Variants in PLCG1 observed in about 807,000 individuals in gnomAD.
PLCG1 encodes 1-phosphatidylinositol 4,5-bisphosphate phosphodiesterase gamma-1.
Under a neutral mutation model 177.8 loss-of-function variants are expected in PLCG1, and 71 were observed. That is an observed-to-expected ratio of 0.40 (90% CI 0.33 to 0.49). The LOEUF (loss-of-function observed/expected upper bound fraction) is 0.49, where lower values mean the gene tolerates loss of function less well. PLCG1 is among the 20% of genes least tolerant of loss of function. The probability of loss-of-function intolerance (pLI) is 0.72; values close to 1 mark genes in which losing one functional copy is unlikely to be tolerated. For missense variants in PLCG1, 1,281 were observed against 1,709.0 expected, an observed-to-expected ratio of 0.75 and a Z score of 4.42; for synonymous variants, 658 against 647.9, an observed-to-expected ratio of 1.02 and a Z score of -0.24.
At position 41,166,697 on chromosome 20, in the gene PLCG1, G is replaced by A; in HGVS notation, c.2139G>A (p.Lys713=). The change falls in exon 19 of 32, where the codon AAG becomes AAA. Residue 713 remains lysine (K), a synonymous_variant. Transcript: ENST00000685551. This position sits in a 1 kb window ranked among gnomAD's most constrained non-coding sequence, Gnocchi z 8.6. ...AISFRAEGKI[K]HCRVQQEGQT... ...TGTGAAGGGCTGAGGGCAAGATCAA[G>A]CATTGCCGTGTCCAGCAAGAGGGCC... 5 of 1,614,168 alleles carry A rather than the reference G, an allele frequency of 3.1e-6. No individual in the cohort carries two copies. Among genetic ancestry groups the A allele is most frequent in the Non-Finnish European group, 4.2e-6 (5 of 1,180,006 alleles).
chr20:41,154,520 T>TA (rs2035260280), intron 1 of PLCG1, among the ~76,000 whole-genome samples: 1 of 152,164 alleles, frequency 6.6e-6, no homozygotes, highest in African/African-American at 2.4e-5. Flanking sequence ...ATACTGCCCT[T>TA]ATGCACATCC....
In PLCG1 at chr20:41,172,130, G is replaced by A; in HGVS notation, c.2809-63G>A. The A allele has an allele frequency of 7.5e-7, 1 of 1,336,526 alleles. No individual in the cohort carries two copies. The highest frequency in any genetic ancestry group is 1.1e-6 in the Non-Finnish European group (1 of 926,794). The allele number at this position is 1,336,526 out of a possible 1,614,324, so 82.8% of individuals were successfully genotyped here. The stretch of plus-strand genomic sequence containing the variant: ...AGTGTGGGCATGCCCAAGGTTGGCA[G>A]GGGCTTCCTTCTCCTGGGCAGGGCT... On this transcript the variant is annotated intron_variant, in intron 24 of 31. Coordinates refer to ENST00000685551, the MANE Select transcript of PLCG1 (RefSeq NM_002660.3). This position sits in a 1 kb window ranked among gnomAD's most constrained non-coding sequence, Gnocchi z 7.0.
In PLCG1 at chr20:41,164,813, G is replaced by C; in HGVS notation, c.1218-120G>C. On this transcript the variant is annotated intron_variant, in intron 12 of 31. Transcript: ENST00000685551. The surrounding 1 kb of genome is among the most constrained non-coding windows in gnomAD (Gnocchi z 6.4). The stretch of plus-strand genomic sequence containing the variant: ...TGGCTATGGCCTGCCTCTTTTCTGG[G>C]ATAGTTTTTACAGACAAGAAGCCCC... The C allele has an allele frequency of 1.0e-6, 1 of 968,530 alleles. No homozygotes were observed. The highest frequency in any genetic ancestry group is 2.6e-5 in the Admixed American group (1 of 39,168). 60.0% of individuals were successfully genotyped at this position (968,530 alleles called of 1,614,324 possible). A position where few individuals can be genotyped will look rare whatever the true frequency, so the allele number is the denominator to read the frequency against.
Position 41,173,415 on chromosome 20 carries a change from T to G in PLCG1, c.3280-5T>G. 1 of 1,589,068 alleles carries G rather than the reference T, an allele frequency of 6.3e-7. No individual in the cohort carries two copies. ...AATCCCAGGCCCTTCTTTGTCTGCC[T>G]ACAGGTGCTGGGGGCCCGACATCTG... On this transcript the variant is annotated splice_polypyrimidine_tract_variant and splice_region_variant and intron_variant, in intron 27 of 31. Transcript: ENST00000685551. This position sits in a 1 kb window ranked among gnomAD's most constrained non-coding sequence, Gnocchi z 6.2.
chr20:41,164,809 C>G lies in PLCG1; in HGVS notation c.1218-124C>G. The G allele has an allele frequency of 1.1e-6, 1 of 941,958 alleles. No homozygotes were observed. Among genetic ancestry groups the G allele is most frequent in the Non-Finnish European group, 1.6e-6 (1 of 630,934 alleles). 58.3% of individuals were successfully genotyped at this position (941,958 alleles called of 1,614,324 possible). A position where few individuals can be genotyped will look rare whatever the true frequency, so the allele number is the denominator to read the frequency against. ...CCAGTGGCTATGGCCTGCCTCTTTTCTGGGATAGTTTTTACAGACAAGAAG... is the reference window on the plus strand; with the variant it reads ...CCAGTGGCTATGGCCTGCCTCTTTTGTGGGATAGTTTTTACAGACAAGAAG... On this transcript the variant is annotated intron_variant, in intron 12 of 31. Coordinates refer to ENST00000685551, the MANE Select transcript of PLCG1 (RefSeq NM_002660.3). The surrounding 1 kb of genome is among the most constrained non-coding windows in gnomAD (Gnocchi z 6.4).
chr20:41,151,445 A>G lies in PLCG1; in HGVS notation c.218-8161A>G, dbSNP rs769437720. Among the ~76,000 whole-genome samples, 2 of 152,234 alleles carry G rather than the reference A, an allele frequency of 1.3e-5. No homozygotes were observed. Among genetic ancestry groups the G allele is most frequent in the African/African-American group, 2.4e-5 (1 of 41,456 alleles). ...GCTGCTGCACAGTAATGGGAAGGAC[A>G]GTAAGCCCCACCATCGCCTTCCCTT... On this transcript the variant is annotated intron_variant, in intron 1 of 31. Transcript: ENST00000685551. The surrounding 1 kb of genome is among the most constrained non-coding windows in gnomAD (Gnocchi z 5.5).
intron 1 of PLCG1, among the ~76,000 whole-genome samples, chr20:41,140,443 C>T (rs2034784227): frequency 1.3e-5 from 2 of 152,198 alleles, no homozygotes; most frequent in African/African-American, 2.4e-5. Flanking sequence ...CTGGCCTTTC[C>T]TGCTGACCCT....
chr20:41,168,155 ACTG>A (rs2035765706), intron 20 of PLCG1, among the ~76,000 whole-genome samples: 1 of 152,054 alleles, frequency 6.6e-6, no homozygotes, highest in African/African-American at 2.4e-5. Context: ...GACCCTTTAA[ACTG>A]CTCCTGTGGG....
chr20:41,140,688 T>C (rs2034795093), intron 1 of PLCG1, among the ~76,000 whole-genome samples: 1 of 152,176 alleles, frequency 6.6e-6, no homozygotes, highest in South Asian at 2.1e-4. Context: ...GGGGAAGTGC[T>C]TAGGTGTTGA....
intron 1 of PLCG1, among the ~76,000 whole-genome samples, chr20:41,149,677 C>T (rs2035105421): frequency 6.6e-6 from 1 of 152,166 alleles, no homozygotes; most frequent in South Asian, 2.1e-4. Flanking sequence ...AGGGTGTGGG[C>T]ATGGCTGACA....
At position 41,142,489 on chromosome 20, in the gene PLCG1, C is replaced by T. The variant is rs554771327; in HGVS notation, c.217+4631C>T. On this transcript the variant is annotated intron_variant, in intron 1 of 31. Coordinates refer to ENST00000685551, the MANE Select transcript of PLCG1 (RefSeq NM_002660.3). ...GGGGAGGGAGGCCAGTGAGCTCCTA[C>T]GGTTTGCACAGTTTGCAGGAGAGAG... Among the ~76,000 whole-genome samples the T allele has an allele frequency of 2.6e-5, 4 of 152,284 alleles. No homozygotes were observed. In the East Asian group the frequency reaches 7.7e-4, roughly 29 times the overall value.
chr20:41,168,694 T>C (rs1419598038), intron 20 of PLCG1, 73 bp from the exon 21 acceptor site: 2 of 873,426 alleles, frequency 2.3e-6, no homozygotes, highest in Non-Finnish European at 3.8e-6. Context: ...CATGTGTGTG[T>C]GCACATGAAG....
In PLCG1 at chr20:41,173,838, G is replaced by A. The variant is rs1455070661; in HGVS notation, c.3556+25G>A. The A allele has an allele frequency of 6.2e-7, 1 of 1,611,474 alleles. No individual in the cohort carries two copies. The highest frequency in any genetic ancestry group is 1.3e-5 in the African/African-American group (1 of 74,836). The stretch of plus-strand genomic sequence containing the variant: ...GGTGAGGACCATTCCTGGAGGCAGT[G>A]CCCCTGCAATCTTGCTGGCAGGGTG... On this transcript the variant is annotated intron_variant, in intron 29 of 31. Transcript: ENST00000685551. This position sits in a 1 kb window ranked among gnomAD's most constrained non-coding sequence, Gnocchi z 6.2.
rs369025389 is a variant in PLCG1, at chr20:41,144,677, A to G, written c.217+6819A>G. ...GAGAAGGGCTTTTCCAGGATTCTCT[A>G]TGACAACTCAAGAGCATGCATTCAT... is the stretch of plus-strand genomic sequence containing the variant. On this transcript the variant is annotated intron_variant, in intron 1 of 31. Transcript: ENST00000685551. The surrounding 1 kb of genome is among the most constrained non-coding windows in gnomAD (Gnocchi z 4.1). Among the ~76,000 whole-genome samples, 53 of 152,174 alleles carry G rather than the reference A, an allele frequency of 3.5e-4. No homozygotes were observed. Among genetic ancestry groups the G allele is most frequent in the Non-Finnish European group, 6.8e-4 (46 of 68,026 alleles).
At position 41,174,496 on chromosome 20, in the gene PLCG1, A is replaced by G. The variant is rs767078234; in HGVS notation, c.3863A>G (p.Asp1288Gly). 4 of 1,582,652 alleles carry G rather than the reference A, an allele frequency of 2.5e-6. No individual in the cohort carries two copies. The highest frequency in any genetic ancestry group is 1.7e-6 in the Non-Finnish European group (2 of 1,161,802). The change falls in exon 32 of 32, where the codon GAC (aspartate) becomes GGC (glycine). Residue 1288 changes from aspartate (D) to glycine (G), a missense_variant. Asp to Gly is a moderately conservative substitution (Grantham distance 94). Coordinates refer to ENST00000685551, the MANE Select transcript of PLCG1 (RefSeq NM_002660.3). This position sits in a 1 kb window ranked among gnomAD's most constrained non-coding sequence, Gnocchi z 5.8. ...RAPRRTRVNG[D>G]NRL ...CCAAGAAGGACTCGGGTCAATGGAG[A>G]CAACCGCCTCTAGTTGTACCCCAGC... is the stretch of plus-strand genomic sequence containing the variant.
At chr20:41,171,948 C>T (rs1471914907) in intron 24 of PLCG1, among the ~76,000 whole-genome samples, 4 of 152,164 alleles carry the variant, frequency 2.6e-5, no homozygotes, top group Admixed American at 6.5e-5. Context: ...TATCCCCCAC[C>T]CCCCCTAAGA....
rs1054980881 is a variant in PLCG1 at position 41,144,508 on chromosome 20, C to T, written c.217+6650C>T. On this transcript the variant is annotated intron_variant, in intron 1 of 31. Transcript: ENST00000685551. The surrounding 1 kb of genome is among the most constrained non-coding windows in gnomAD (Gnocchi z 4.1). The stretch of plus-strand genomic sequence containing the variant: ...TTGGCCCACCCAGACCTTTCCCACA[C>T]TCCTACATGGGGGTGAATGTAGCCG... 2.0e-5 allele frequency among the ~76,000 whole-genome samples: 3 copies of T among 152,182 alleles called. No homozygotes were observed. The highest frequency in any genetic ancestry group is 4.4e-5 in the Non-Finnish European group (3 of 68,034).
Position 41,174,129 on chromosome 20 carries a change from G to C in PLCG1, c.3651G>C (p.Glu1217Asp). 6.2e-7 allele frequency: 1 copy of C among 1,613,174 alleles called. No homozygotes were observed. The highest frequency in any genetic ancestry group is 8.5e-7 in the Non-Finnish European group (1 of 1,179,230). Reference sequence around the variant, plus strand: ...TGCACCTGGCTTCGTTGAAGCAGGAGAATGGTGACCTCAGTCCCTTCAGTG... The same window carrying C: ...TGCACCTGGCTTCGTTGAAGCAGGACAATGGTGACCTCAGTCCCTTCAGTG... The part of the protein sequence containing the change: ...IKIDIFPAKQ[E>D]NGDLSPFSGT... The change falls in exon 31 of 32, where the codon GAG becomes GAC. Residue 1217 changes from glutamate to aspartate, a missense_variant. Around this residue, in one of 4 missense-constraint regions of PLCG1, gnomAD observed 153 missense variants for 153.2 expected, o/e 1.00. Transcript: ENST00000685551. This position sits in a 1 kb window ranked among gnomAD's most constrained non-coding sequence, Gnocchi z 5.8.
chr20:41,140,921 A>T lies in PLCG1; in HGVS notation c.217+3063A>T, dbSNP rs2034803227. Among the ~76,000 whole-genome samples, 3 of 152,284 alleles carry T rather than the reference A, an allele frequency of 2.0e-5. No individual in the cohort carries two copies. In the South Asian group the frequency reaches 6.2e-4, roughly 32 times the overall value. On this transcript the variant is annotated intron_variant, in intron 1 of 31. Transcript: ENST00000685551. ...CCAGGGCCTCAGCTGGGGCCAGCTC[A>T]CTAGTCAGAGGCTGACTAGCAACCC... is the stretch of plus-strand genomic sequence containing the variant.
Sources: gnomAD v4.1 joint callset for allele counts (sites outside exome capture counted in the v4.1 genomes callset) on GRCh38, gnomAD v4.1.1 for gene constraint, gnomAD v4.1.1 regional missense constraint, Gnocchi (gnomAD v3.1) non-coding constraint, MANE v1.5 for transcripts, NCBI Gene and HGNC (gene_info 2026-07-23, HGNC 2026-07-21) for gene names.